The following SLC24A3 variants were observed in gnomAD, a reference collection of about 807,000 sequenced individuals.
SLC24A3 encodes solute carrier family 24 member 3, also known as sodium/potassium/calcium exchanger 3.
In SLC24A3, 28 loss-of-function variants were observed where a neutral mutation model predicts 75.8. The ratio of observed to expected loss-of-function variants is 0.37; its 90% CI spans 0.27 to 0.51. The LOEUF (loss-of-function observed/expected upper bound fraction) is 0.51, where lower values mean the gene tolerates loss of function less well. Ranked by LOEUF, SLC24A3 falls within the 20% of genes least tolerant of loss-of-function variation. The pLI is 0.94. For synonymous variants in SLC24A3, 372 were observed against 334.1 expected, an observed-to-expected ratio of 1.11 and a Z score of -1.24; for missense variants, 663 against 847.8, an observed-to-expected ratio of 0.78 and a Z score of 2.71.
chr20:19,459,869 C>T (rs6136742), intron 2 of SLC24A3, among the ~76,000 whole-genome samples: 67,785 of 151,982 alleles, frequency 0.45, 17,802 homozygotes, highest in Non-Finnish European at 0.58. Context: ...GGGTTCTGCC[C>T]TTCCTTGCCT....
chr20:19,414,035 T>A lies in SLC24A3; in HGVS notation c.272-101453T>A, dbSNP rs1310645210. On this transcript the variant is annotated intron_variant, in intron 2 of 16. Coordinates refer to ENST00000328041, the MANE Select transcript of SLC24A3 (RefSeq NM_020689.4). ...GACAAACAAATCTCTGAAGAGGGAATGCAAATGGCAAATCAGCATATGATA... is the reference window on the plus strand; with the variant it reads ...GACAAACAAATCTCTGAAGAGGGAAAGCAAATGGCAAATCAGCATATGATA... 2.6e-5 allele frequency among the ~76,000 whole-genome samples: 4 copies of A among 152,192 alleles called. No individual in the cohort carries two copies. In the South Asian group the frequency reaches 8.3e-4, roughly 31 times the overall value.
rs1428833775 is a variant in SLC24A3 at position 19,537,219 on chromosome 20, T to C, written c.348+21655T>C. 2.0e-5 allele frequency among the ~76,000 whole-genome samples: 3 copies of C among 152,266 alleles called. No homozygotes were observed. The South Asian group carries it at 6.2e-4, about 32-fold the overall frequency. On this transcript the variant is annotated intron_variant, in intron 3 of 16. Transcript: ENST00000328041. ...ACCCCATCAAAAAGTGGGCGAAGGA[T>C]ATGAACAGACACTTCTCAAAAGAAG...
rs1217352624 is a variant in SLC24A3, at chr20:19,325,788, A to G, written c.271+44701A>G. On this transcript the variant is annotated intron_variant, in intron 2 of 16. Transcript: ENST00000328041. Reference sequence around the variant, plus strand: ...TACATATATATATACATATATATATATATATATAGAGAGAGAGAGAGAGAG... The same window carrying G: ...TACATATATATATACATATATATATGTATATATAGAGAGAGAGAGAGAGAG... Among the ~76,000 whole-genome samples the G allele has an allele frequency of 4.1e-5, 4 of 97,352 alleles. 1 individual carries two copies. The highest frequency in any genetic ancestry group is 1.2e-4 in the Admixed American group (1 of 8,220). 63.9% of individuals were successfully genotyped at this position (97,352 alleles called of 152,430 possible). A position where few individuals can be genotyped will look rare whatever the true frequency, so the allele number is the denominator to read the frequency against.
chr20:19,266,878 A>G (rs945865564), intron 1 of SLC24A3, among the ~76,000 whole-genome samples: 4 of 152,198 alleles, frequency 2.6e-5, no homozygotes, highest in Non-Finnish European at 4.4e-5. Context: ...CGTTATGTAT[A>G]TATATGTATA....
At chr20:19,380,023 G>A (rs964356265) in intron 2 of SLC24A3, among the ~76,000 whole-genome samples, 1 of 152,200 alleles carries the variant, frequency 6.6e-6, no homozygotes, top group Non-Finnish European at 1.5e-5. Context: ...GTGAACAAAA[G>A]TGAACCCAGT....
intron 6 of SLC24A3, among the ~76,000 whole-genome samples, chr20:19,615,278 A>T (rs1489979078): frequency 6.6e-6 from 1 of 152,236 alleles, no homozygotes; most frequent in Non-Finnish European, 1.5e-5. Flanking sequence ...ACGAAGACAG[A>T]GTTTTGAGTG....
chr20:19,438,355 A>C (rs867157831), intron 2 of SLC24A3, among the ~76,000 whole-genome samples: 4 of 152,288 alleles, frequency 2.6e-5, no homozygotes, highest in Middle Eastern at 3.4e-3. Flanking sequence ...TGATATAAAG[A>C]TGGTCTTAGA....
At chr20:19,253,529 T>C (rs1320179922) in intron 1 of SLC24A3, among the ~76,000 whole-genome samples, 1 of 152,194 alleles carries the variant, frequency 6.6e-6, no homozygotes, top group Non-Finnish European at 1.5e-5. Context: ...GGTTGTTAAT[T>C]TTGAGTCATC....
intron 2 of SLC24A3, among the ~76,000 whole-genome samples, chr20:19,481,092 C>T (rs1482981309): frequency 6.6e-6 from 1 of 152,112 alleles, no homozygotes; most frequent in African/African-American, 2.4e-5. Context: ...CAGGGCATTG[C>T]GACAGGAACT....
chr20:19,230,395 AT>A (rs563564483), intron 1 of SLC24A3, among the ~76,000 whole-genome samples: 417 of 152,128 alleles, frequency 2.7e-3, no homozygotes, highest in African/African-American at 9.5e-3. Flanking sequence ...GTGGAACCTT[AT>A]TCATTATAAT....
chr20:19,568,523 C>T (rs572677849), intron 3 of SLC24A3, among the ~76,000 whole-genome samples: 1 of 152,214 alleles, frequency 6.6e-6, no homozygotes, highest in African/African-American at 2.4e-5. Flanking sequence ...GAGGAAATAT[C>T]ATATGATTTT....
intron 3 of SLC24A3, among the ~76,000 whole-genome samples, chr20:19,535,680 G>A (rs981955266): frequency 4.6e-5 from 7 of 152,180 alleles, no homozygotes; most frequent in Non-Finnish European, 8.8e-5. Context: ...TGAGAGAGAA[G>A]AACTGGGGTT....
intron 2 of SLC24A3, among the ~76,000 whole-genome samples, chr20:19,345,983 G>A (rs991045950): frequency 6.9e-6 from 1 of 144,478 alleles, no homozygotes; most frequent in African/African-American, 2.6e-5. Flanking sequence ...AGTTGTACAT[G>A]CATGTTTATA....
chr20:19,222,599 G>A (rs1012805314), intron 1 of SLC24A3, among the ~76,000 whole-genome samples: 2 of 152,124 alleles, frequency 1.3e-5, no homozygotes, highest in Admixed American at 6.5e-5. Flanking sequence ...AATGGGGAAG[G>A]TTTTTTCAAC....
Position 19,722,705 on chromosome 20 carries a change from G to A in SLC24A3, c.*1565G>A, listed in dbSNP as rs1185946470. 4 of 152,656 alleles carry A rather than the reference G, an allele frequency of 2.6e-5. No individual in the cohort carries two copies. The highest frequency in any genetic ancestry group is 2.6e-4 in the Admixed American group (4 of 15,276). 9.5% of individuals were successfully genotyped at this position (152,656 alleles called of 1,614,324 possible). A position where few individuals can be genotyped will look rare whatever the true frequency, so the allele number is the denominator to read the frequency against. On this transcript the variant is annotated 3_prime_UTR_variant, in exon 17 of 17. Transcript: ENST00000328041. ...AAAAATAACCTGCTACAAATTGGTT[G>A]AATGTTTCTGTCTGTGGTGCGAACC...
intron 1 of SLC24A3, among the ~76,000 whole-genome samples, chr20:19,264,744 A>AAC (rs1555784821): frequency 2.0e-5 from 3 of 148,580 alleles, no homozygotes; most frequent in Admixed American, 1.4e-4. Flanking sequence ...AAAAAAAAAA[A>AAC]ACAAAACAAA....
At chr20:19,290,986 T>A (rs1983927376) in intron 2 of SLC24A3, among the ~76,000 whole-genome samples, 1 of 152,240 alleles carries the variant, frequency 6.6e-6, no homozygotes. Flanking sequence ...TCACACTAGC[T>A]GCATTTTAAA....
At chr20:19,569,005 A>G (rs2122619320) in intron 3 of SLC24A3, among the ~76,000 whole-genome samples, 2 of 152,298 alleles carry the variant, frequency 1.3e-5, no homozygotes, top group East Asian at 3.9e-4. Context: ...GAAAACGAAT[A>G]CATAAGCTGA....
chr20:19,268,504 T>G (rs1327300118), intron 1 of SLC24A3, among the ~76,000 whole-genome samples: 1 of 152,116 alleles, frequency 6.6e-6, no homozygotes, highest in Non-Finnish European at 1.5e-5. Flanking sequence ...ACCTTAGAGG[T>G]CAGCTCATTC....
Sources: allele counts gnomAD v4.1 joint callset (sites outside exome capture counted in the v4.1 genomes callset), GRCh38; gene constraint gnomAD v4.1.1; transcripts MANE v1.5; gene names NCBI Gene and HGNC (gene_info 2026-07-23, HGNC 2026-07-21).